Variants in ERN2 observed in about 807,000 individuals in gnomAD.
The protein encoded by ERN2 is endoplasmic reticulum to nucleus signaling 2.
ERN2 carries 111 observed loss-of-function variants against 107.9 expected under a neutral mutation model. The observed-to-expected ratio is 1.03, with a 90% confidence interval of 0.88 to 1.20. ERN2 has a LOEUF of 1.20. Among genes scored for constraint, ERN2 ranks in the 50% most tolerant of loss-of-function variants. The pLI is 0.00. For synonymous variants in ERN2, 524 were observed against 501.7 expected (o/e 1.04, Z -0.59); for missense variants, 1,225 against 1,197.9 (o/e 1.02, Z -0.33).
At chr16:23,708,064 G>C (rs1597157362) in intron 4 of ERN2, among the ~76,000 whole-genome samples, 2 of 152,130 alleles carry the variant, frequency 1.3e-5, no homozygotes, top group African/African-American at 4.8e-5. Context: ...AAGTCCTCAC[G>C]GGCTGGCTGT....
In ERN2 at chr16:23,713,150, CG is replaced by C. The variant is rs939147189; in HGVS notation, c.37del (p.Arg13GlyfsTer16). ...CGCGAACTGGAGCTGGAGCCCCAGC[CG>C]GGGCCACGGCCTCGACCCCCTGACC... Reference protein sequence around the residue: ...SAVRGSRPWPRLGLQLQFAAL... With the variant: ...SAVRGSRPWPXLGLQLQFAAL... On this transcript the variant is annotated frameshift_variant, in exon 1 of 22. Transcript: ENST00000256797. LOFTEE classifies it high-confidence loss of function. 1.9e-6 allele frequency: 3 copies of C among 1,573,880 alleles called. No individual in the cohort carries two copies. The highest frequency in any genetic ancestry group is 2.7e-5 in the African/African-American group (2 of 73,764).
rs765814574 is a variant in ERN2 at position 23,707,099 on chromosome 16, C to T, written c.307-20G>A. ...CAGTTTCTAGGAGACGGAAAATTTACAGGAAGGAGTAAGAGCAGCAACACA... is the reference window on the plus strand; with the variant it reads ...CAGTTTCTAGGAGACGGAAAATTTATAGGAAGGAGTAAGAGCAGCAACACA... On this transcript the variant is annotated intron_variant, in intron 4 of 21. Coordinates refer to ENST00000256797, the MANE Select transcript of ERN2 (RefSeq NM_033266.4). 2 of 1,592,954 alleles carry T rather than the reference C, an allele frequency of 1.3e-6. No individual in the cohort carries two copies. The highest frequency in any genetic ancestry group is 1.1e-5 in the South Asian group (1 of 90,664).
At chr16:23,701,153 C>T (rs1360064313) in intron 11 of ERN2, 39 bp from the exon 12 acceptor site, 2 of 1,593,002 alleles carry the variant, frequency 1.3e-6, no homozygotes, top group Admixed American at 3.5e-5. Context: ...CACCCCCTTC[C>T]ACCAGGGAAC....
chr16:23,695,226 C>T lies in ERN2; in HGVS notation c.1774G>A (p.Glu592Lys), dbSNP rs747571805. ...TCCTGCAAGGAGGCCCGGCAGAGCT[C>T]CAGGGCAATGTAGTGGAACTGGGGT... ...RGPQFHYIAL[E>K]LCRASLQEYV... Residue 592 changes from glutamate (E) to lysine (K), a missense_variant, in exon 15 of 22, where the codon GAG becomes AAG. Transcript: ENST00000256797. 2.5e-6 allele frequency: 4 copies of T among 1,614,136 alleles called. No homozygotes were observed. In the Admixed American group the frequency reaches 6.7e-5, roughly 27 times the overall value.
intron 8 of ERN2, among the ~76,000 whole-genome samples, chr16:23,703,583 G>C (rs1403068061): frequency 6.6e-6 from 1 of 152,094 alleles, no homozygotes; most frequent in Non-Finnish European, 1.5e-5. Flanking sequence ...ATGAAAATAT[G>C]ATTAAATCAC....
At chr16:23,691,234 T>C in intron 20 of ERN2, 38 bp from the exon 21 acceptor site, 3 of 1,612,542 alleles carry the variant, frequency 1.9e-6, no homozygotes, top group Non-Finnish European at 2.5e-6. Context: ...CCGTCCCTGC[T>C]AGACTCCCCT....
chr16:23,709,847 A>T, intron 4 of ERN2: 1 of 225,328 alleles, frequency 4.4e-6, no homozygotes, highest in South Asian at 8.6e-5. Context: ...GTGATGTTTT[A>T]GTTTTAAGCT....
rs1959549140 is a variant in ERN2, at chr16:23,690,734, T to G, written c.*97A>C. The stretch of plus-strand genomic sequence containing the variant: ...CCTCCCAAAATGCTGGGATTACAGG[T>G]GTGAGCCACTGCACCCAGCCTGATT... On this transcript the variant is annotated 3_prime_UTR_variant, in exon 22 of 22. Coordinates refer to ENST00000256797, the MANE Select transcript of ERN2 (RefSeq NM_033266.4). The G allele has an allele frequency of 1.3e-6, 1 of 799,438 alleles. No individual in the cohort carries two copies. The highest frequency in any genetic ancestry group is 3.3e-5 in the East Asian group (1 of 30,740). 49.5% of individuals were successfully genotyped at this position (799,438 alleles called of 1,614,324 possible). A position where few individuals can be genotyped will look rare whatever the true frequency, so the allele number is the denominator to read the frequency against.
At chr16:23,710,677 C>A in intron 2 of ERN2, 128 bp from the exon 3 acceptor site, 1 of 1,127,220 alleles carries the variant, frequency 8.9e-7, no homozygotes, top group Non-Finnish European at 1.3e-6. Flanking sequence ...TGCCATCTTC[C>A]CAAAAACTCT....
At chr16:23,692,138 C>T (rs199557954) in intron 18 of ERN2, 46 bp downstream of exon 18, 14 of 1,613,814 alleles carry the variant, frequency 8.7e-6, no homozygotes, top group Middle Eastern at 1.6e-4. Flanking sequence ...GCCTGCCTAG[C>T]GTCTTGCCCG....
chr16:23,693,010 G>A (rs1290399290), intron 17 of ERN2, among the ~76,000 whole-genome samples: 1 of 151,722 alleles, frequency 6.6e-6, no homozygotes, highest in Non-Finnish European at 1.5e-5. Context: ...ATTTTATGTG[G>A]AATTTCTCAA....
At chr16:23,695,537 C>A in intron 14 of ERN2, 148 bp from the exon 15 acceptor site, 1 of 674,856 alleles carries the variant, frequency 1.5e-6, no homozygotes, top group Non-Finnish European at 2.5e-6. Flanking sequence ...ACCAGCCTGG[C>A]CAACATGGTG....
intron 3 of ERN2, 94 bp from the exon 4 acceptor site, chr16:23,710,338 G>A (rs1223385274): frequency 8.0e-7 from 1 of 1,249,176 alleles, no homozygotes. Flanking sequence ...GCTACTAGGA[G>A]CCTGTTCTTG....
chr16:23,702,785 T>C, intron 8 of ERN2, 83 bp from the exon 9 acceptor site: 1 of 1,166,104 alleles, frequency 8.6e-7, no homozygotes, highest in Non-Finnish European at 1.3e-6. Context: ...TGCCCTTGTA[T>C]ATTTCCCTCT....
chr16:23,708,679 T>A (rs992132585), intron 4 of ERN2, among the ~76,000 whole-genome samples: 5 of 152,040 alleles, frequency 3.3e-5, no homozygotes, highest in Admixed American at 3.3e-4. Flanking sequence ...TGTAATAGAG[T>A]TCTCACGAGA....
Position 23,713,164 on chromosome 16 carries a change from C to T in ERN2, c.24G>A (p.Ser8=). The change falls in exon 1 of 22, where the codon TCG becomes TCA. Residue 8 remains serine, a synonymous_variant. Transcript: ENST00000256797. ...GGAGCCCCAGCCGGGGCCACGGCCT[C>T]GACCCCCTGACCGCACTCGCCATAG... is the stretch of plus-strand genomic sequence containing the variant. The part of the protein sequence containing the change: MASAVRG[S]RPWPRLGLQL... 1.3e-6 allele frequency: 2 copies of T among 1,574,830 alleles called. No individual in the cohort carries two copies. Among genetic ancestry groups the T allele is most frequent in the Non-Finnish European group, 1.7e-6 (2 of 1,166,458 alleles).
chr16:23,700,412 A>T, intron 13 of ERN2, 127 bp downstream of exon 13: 2 of 890,490 alleles, frequency 2.2e-6, no homozygotes, highest in Non-Finnish European at 3.5e-6. Context: ...TACTCAAAAC[A>T]CTCTTCTTAA....
chr16:23,691,894 T>C, intron 19 of ERN2, 69 bp downstream of exon 19: 1 of 1,557,934 alleles, frequency 6.4e-7, no homozygotes, highest in Non-Finnish European at 8.7e-7. Context: ...TAATCTAATA[T>C]CCCATTTCTT....
chr16:23,694,984 G>A, intron 16 of ERN2, 35 bp downstream of exon 16: 3 of 1,613,304 alleles, frequency 1.9e-6, no homozygotes, highest in Non-Finnish European at 2.5e-6. Flanking sequence ...CAGGGGCTAA[G>A]GACAGGGAGC....
Sources: allele counts gnomAD v4.1 joint callset (sites outside exome capture counted in the v4.1 genomes callset), GRCh38; gene constraint gnomAD v4.1.1; transcripts MANE v1.5; gene names NCBI Gene and HGNC (gene_info 2026-07-23, HGNC 2026-07-21).